Variants in LRTM3 observed in about 807,000 individuals in gnomAD.
LRTM3 encodes leucine-rich repeat transmembrane protein 3.
At chr13:102,745,133 C>T in the LRTM3 span, 2 of 1,550,702 alleles carry the variant, frequency 1.3e-6, no homozygotes, top group Non-Finnish European at 1.7e-6. Context: ...CAGAATTTTC[C>T]TACTTCCTTG....
chr13:102,747,393 G>C, the LRTM3 span: 1 of 1,549,470 alleles, frequency 6.5e-7, no homozygotes, highest in Middle Eastern at 1.7e-4. Flanking sequence ...TTAATATAAG[G>C]CATCAGTGAG....
the LRTM3 span, chr13:102,731,566 G>A: frequency 2.5e-4 from 392 of 1,551,346 alleles, 1 homozygote; most frequent in African/African-American, 3.1e-3. Flanking sequence ...ACTTCAAGTC[G>A]TCAGGCTTAT....
the LRTM3 span, chr13:102,744,510 T>G: frequency 6.4e-7 from 1 of 1,550,662 alleles, no homozygotes; most frequent in Non-Finnish European, 8.7e-7. Context: ...ATATGAGGAC[T>G]TTGTTTCATC....
the LRTM3 span, among the ~76,000 whole-genome samples, chr13:102,753,053 A>G: frequency 7.2e-5 from 11 of 152,182 alleles, no homozygotes; most frequent in African/African-American, 2.4e-4. Context: ...TTACAATAGC[A>G]AAGACATGGA....
the LRTM3 span, chr13:102,747,745 C>G: frequency 5.2e-6 from 8 of 1,550,908 alleles, no homozygotes; most frequent in Admixed American, 3.9e-5. Context: ...TTTGCTTCAC[C>G]TTCTCAACTT....
chr13:102,730,913 C>A, the LRTM3 span: 1 of 1,551,206 alleles, frequency 6.4e-7, no homozygotes, highest in Non-Finnish European at 8.7e-7. Flanking sequence ...TCGTTTTGGT[C>A]CTGTGAAACC....
the LRTM3 span, chr13:102,734,925 T>C: frequency 6.4e-7 from 1 of 1,551,088 alleles, no homozygotes; most frequent in Non-Finnish European, 8.7e-7. Flanking sequence ...TGTAGATAGA[T>C]TAAAATATCA....
At chr13:102,735,901 G>C in the LRTM3 span, 1 of 1,535,002 alleles carries the variant, frequency 6.5e-7, no homozygotes, top group South Asian at 1.2e-5. Flanking sequence ...GTTCCTTTTT[G>C]CTTTCCTGTA....
the LRTM3 span, chr13:102,742,719 T>G: frequency 1.3e-6 from 2 of 1,550,738 alleles, no homozygotes; most frequent in Non-Finnish European, 1.7e-6. Flanking sequence ...CCTTGGGGAC[T>G]TGACCTGTCA....
the LRTM3 span, chr13:102,747,988 C>T: frequency 1.7e-5 from 26 of 1,550,902 alleles, no homozygotes; most frequent in African/African-American, 3.6e-4. Context: ...ATTGTTGTGG[C>T]TTTTTAAATG....
At chr13:102,736,133 C>CT in the LRTM3 span, 5 of 1,541,972 alleles carry the variant, frequency 3.2e-6, no homozygotes, top group Non-Finnish European at 4.4e-6. Flanking sequence ...TGCAAGTCTG[C>CT]TTTTTCCTGC....
the LRTM3 span, chr13:102,749,666 T>G: frequency 1.3e-6 from 2 of 1,551,450 alleles, no homozygotes; most frequent in Non-Finnish European, 1.7e-6. Flanking sequence ...CATCACATCT[T>G]CAGGCTGGGC....
the LRTM3 span, chr13:102,745,943 T>C: frequency 6.4e-7 from 1 of 1,551,224 alleles, no homozygotes; most frequent in East Asian, 2.4e-5. Context: ...CTCATCTGAT[T>C]TGACAAGCTC....
At chr13:102,741,632 A>G in the LRTM3 span, 1 of 1,550,338 alleles carries the variant, frequency 6.5e-7, no homozygotes, top group South Asian at 1.2e-5. Flanking sequence ...TTCTTGTTTC[A>G]GCAATTCTTG....
At chr13:102,747,377 C>T in the LRTM3 span, 1 of 1,550,184 alleles carries the variant, frequency 6.5e-7, no homozygotes, top group African/African-American at 1.4e-5. Flanking sequence ...TGAAGTACCA[C>T]ATATATTAAT....
At chr13:102,756,304 T>C in the LRTM3 span, among the ~76,000 whole-genome samples, 1 of 105,576 alleles carries the variant, frequency 9.5e-6, no homozygotes, top group Non-Finnish European at 2.1e-5. Flanking sequence ...CTTCTAATCC[T>C]TAGTTCGAAA....
chr13:102,739,019 TCTGATAATTC>T, the LRTM3 span: 1 of 1,550,514 alleles, frequency 6.4e-7, no homozygotes. Context: ...TTCCATTGTA[TCTGATAATTC>T]CTGCTGTGTT....
At chr13:102,735,168 C>T in the LRTM3 span, 1 of 1,551,318 alleles carries the variant, frequency 6.4e-7, no homozygotes, top group African/African-American at 1.4e-5. Context: ...CACTGAAGAT[C>T]ACTGAAACTG....
the LRTM3 span, chr13:102,745,021 A>C: frequency 6.4e-7 from 1 of 1,550,864 alleles, no homozygotes; most frequent in South Asian, 1.2e-5. Flanking sequence ...AATTTACTGT[A>C]CATATTGTGC....
Sources: allele counts gnomAD v4.1 joint callset (sites outside exome capture counted in the v4.1 genomes callset), GRCh38; gene constraint gnomAD v4.1.1; transcripts MANE v1.5; gene names NCBI Gene and HGNC (gene_info 2026-07-23, HGNC 2026-07-21).